Variants in ZNF804B observed in about 807,000 individuals in gnomAD.
ZNF804B encodes zinc finger protein 804B.
In ZNF804B, 80 loss-of-function variants were observed where a neutral mutation model predicts 101.4. The ratio of observed to expected loss-of-function variants is 0.79; its 90% CI spans 0.66 to 0.95. The LOEUF (loss-of-function observed/expected upper bound fraction) is 0.95. Ranked by LOEUF, ZNF804B falls within the 40% of genes least tolerant of loss-of-function variation. ZNF804B has a pLI of 0.00. For missense variants in ZNF804B, 1,673 were observed against 1,561.9 expected (o/e 1.07, Z -1.20); for synonymous variants, 622 against 558.8 (o/e 1.11, Z -1.59).
chr7:88,877,049 A>ATT (rs869097226), intron 1 of ZNF804B, among the ~76,000 whole-genome samples: 262 of 13,928 alleles, frequency 0.019, 23 homozygotes, highest in Non-Finnish European at 0.024. Context: ...ATATATATAT[A>ATT]TTTTTTTTTT....
chr7:89,103,191 AG>A (rs1053443150), intron 1 of ZNF804B, among the ~76,000 whole-genome samples: 2 of 145,650 alleles, frequency 1.4e-5, no homozygotes, highest in Non-Finnish European at 3.0e-5. Context: ...TTGGTTATTC[AG>A]GCTTTTTTTT....
chr7:89,155,986 CCTTTCCTTCTTTCTTTCTTTCTTTCTCT>C, intron 1 of ZNF804B, among the ~76,000 whole-genome samples: 1 of 136,464 alleles, frequency 7.3e-6, no homozygotes, highest in Admixed American at 7.6e-5. Context: ...TTCCTTCCTT[CCTTTCCTTCTTTCTTTCTTTCTTTCTCT>C]CTTTCCTTTC....
chr7:89,107,785 C>A (rs965834362), intron 1 of ZNF804B, among the ~76,000 whole-genome samples: 1 of 152,074 alleles, frequency 6.6e-6, no homozygotes, highest in African/African-American at 2.4e-5. Context: ...ACAAAAAGAA[C>A]AAGCTTAGAG....
At chr7:89,004,518 T>C (rs965570602) in intron 1 of ZNF804B, among the ~76,000 whole-genome samples, 3 of 151,832 alleles carry the variant, frequency 2.0e-5, no homozygotes, top group African/African-American at 7.2e-5. Context: ...TGTTGTATTA[T>C]GTTAGGCTAT....
At chr7:89,065,135 T>C (rs1178742061) in intron 1 of ZNF804B, among the ~76,000 whole-genome samples, 1 of 152,174 alleles carries the variant, frequency 6.6e-6, no homozygotes, top group Non-Finnish European at 1.5e-5. Context: ...AACCCTCCGA[T>C]AGGAGCTTGC....
intron 1 of ZNF804B, among the ~76,000 whole-genome samples, chr7:88,929,687 A>G (rs1792854855): frequency 1.3e-5 from 2 of 151,950 alleles, no homozygotes; most frequent in African/African-American, 4.8e-5. Flanking sequence ...CTGACAAGAG[A>G]CTGTTAGTCT....
chr7:88,974,265 A>T, intron 1 of ZNF804B, among the ~76,000 whole-genome samples: 1 of 115,322 alleles, frequency 8.7e-6, no homozygotes, highest in Non-Finnish European at 1.7e-5. Context: ...AATATATCAG[A>T]TATAAATATA....
intron 1 of ZNF804B, among the ~76,000 whole-genome samples, chr7:89,174,719 G>T (rs922454538): frequency 1.3e-5 from 2 of 151,922 alleles, no homozygotes; most frequent in Admixed American, 6.6e-5. Context: ...CACCAACAGG[G>T]TATGAGGGTT....
intron 1 of ZNF804B, among the ~76,000 whole-genome samples, chr7:89,117,668 T>A (rs1790331676): frequency 6.6e-6 from 1 of 152,210 alleles, no homozygotes; most frequent in African/African-American, 2.4e-5. Flanking sequence ...ATTGACTAAA[T>A]TGTAATTATA....
chr7:88,887,750 T>TA (rs34976274), intron 1 of ZNF804B, among the ~76,000 whole-genome samples: 2,323 of 146,742 alleles, frequency 0.016, 15 homozygotes, highest in Middle Eastern at 0.046. Context: ...GAGTTCATTG[T>TA]AAAAAAAAAA....
At position 88,988,070 on chromosome 7, in the gene ZNF804B, C is replaced by T. The variant is rs1201392771; in HGVS notation, c.108+227986C>T. Among the ~76,000 whole-genome samples, 8 of 151,570 alleles carry T rather than the reference C, an allele frequency of 5.3e-5. No individual in the cohort carries two copies. In the East Asian group the frequency reaches 5.8e-4, roughly 11 times the overall value. On this transcript the variant is annotated intron_variant, in intron 1 of 3. Coordinates refer to ENST00000333190, the MANE Select transcript of ZNF804B (RefSeq NM_181646.5). ...GCTCCCATTTAAGAATGAGAACATG[C>T]GATATTTGTCCTTGTATGCCTGGCT...
intron 1 of ZNF804B, among the ~76,000 whole-genome samples, chr7:89,042,096 A>G (rs1207690606): frequency 1.3e-5 from 2 of 152,174 alleles, no homozygotes; most frequent in Non-Finnish European, 2.9e-5. Flanking sequence ...AACTATAAAT[A>G]GTAGCAAGTA....
intron 1 of ZNF804B, among the ~76,000 whole-genome samples, chr7:89,049,901 ACT>A (rs1443369504): frequency 6.6e-6 from 1 of 152,046 alleles, no homozygotes; most frequent in Non-Finnish European, 1.5e-5. Flanking sequence ...AGTCCCAGCT[ACT>A]CGGGAGGTTG....
chr7:89,323,278 T>C (rs559534362), intron 2 of ZNF804B, among the ~76,000 whole-genome samples: 6 of 152,336 alleles, frequency 3.9e-5, no homozygotes, highest in African/African-American at 1.2e-4. Context: ...TATTCTATTA[T>C]AGCAAACTGA....
chr7:89,199,723 T>C (rs1788602956), intron 1 of ZNF804B, among the ~76,000 whole-genome samples: 1 of 151,832 alleles, frequency 6.6e-6, no homozygotes. Flanking sequence ...AAAACTCAGA[T>C]GTTCCTAGAT....
At chr7:89,015,299 T>G (rs531362073) in intron 1 of ZNF804B, among the ~76,000 whole-genome samples, 218 of 151,612 alleles carry the variant, frequency 1.4e-3, no homozygotes, top group Non-Finnish European at 2.4e-3. Flanking sequence ...TAGCTTTGTT[T>G]CTTTTTTCTT....
chr7:89,134,977 G>A (rs914303169), intron 1 of ZNF804B, among the ~76,000 whole-genome samples: 1 of 151,880 alleles, frequency 6.6e-6, no homozygotes. Context: ...ATATTTCAGT[G>A]GTGGAAAAAG....
intron 1 of ZNF804B, among the ~76,000 whole-genome samples, chr7:89,018,671 AGTCTT>A (rs1026130975): frequency 2.4e-4 from 36 of 151,990 alleles, no homozygotes; most frequent in African/African-American, 8.4e-4. Flanking sequence ...TTATTGACTC[AGTCTT>A]CTTAGTATTG....
intron 1 of ZNF804B, among the ~76,000 whole-genome samples, chr7:88,910,955 A>G (rs758624857): frequency 6.6e-6 from 1 of 152,010 alleles, no homozygotes; most frequent in Non-Finnish European, 1.5e-5. Context: ...GTATCATTGA[A>G]GTAACTTTAG....
Sources: gnomAD v4.1 joint callset for allele counts (sites outside exome capture counted in the v4.1 genomes callset) on GRCh38, gnomAD v4.1.1 for gene constraint, MANE v1.5 for transcripts, NCBI Gene and HGNC (gene_info 2026-07-23, HGNC 2026-07-21) for gene names.